LOC131768270: variants seen among roughly 807,000 people sequenced by gnomAD.
the LOC131768270 span, chr5:140,567,648 G>A: frequency 6.2e-7 from 1 of 1,614,080 alleles, no homozygotes; most frequent in East Asian, 2.2e-5. Flanking sequence ...GCAGCAGGGG[G>A]CCTTCAAGTT....
At chr5:140,567,234 T>C in the LOC131768270 span, 1 of 1,614,188 alleles carries the variant, frequency 6.2e-7, no homozygotes, top group South Asian at 1.1e-5. Flanking sequence ...TGGACCCTGA[T>C]GCTACTCCTA....
At chr5:140,566,024 C>A in the LOC131768270 span, 1 of 398,676 alleles carries the variant, frequency 2.5e-6, no homozygotes, top group South Asian at 1.3e-4. Context: ...CCAACATGCT[C>A]TTGAGAGTGT....
At chr5:140,567,010 A>G in the LOC131768270 span, 47 of 1,147,470 alleles carry the variant, frequency 4.1e-5, no homozygotes, top group Non-Finnish European at 5.9e-5. Flanking sequence ...CTTACTCTTC[A>G]AGCCCTGACT....
the LOC131768270 span, chr5:140,565,053 A>C: frequency 2.5e-6 from 1 of 397,562 alleles, no homozygotes; most frequent in Non-Finnish European, 4.4e-6. Flanking sequence ...GGAGCCGTGG[A>C]TCCCCCAGAT....
the LOC131768270 span, chr5:140,568,202 C>A: frequency 1.2e-6 from 2 of 1,611,962 alleles, no homozygotes; most frequent in Admixed American, 3.3e-5. Flanking sequence ...ACCACCAGAT[C>A]CCCCTCCCAG....
the LOC131768270 span, chr5:140,566,104 T>C: frequency 2.5e-6 from 1 of 395,940 alleles, no homozygotes; most frequent in African/African-American, 2.1e-5. Context: ...CTAAGGACAA[T>C]TTTTCTGAAT....
At chr5:140,567,179 G>A in the LOC131768270 span, 1 of 1,614,226 alleles carries the variant, frequency 6.2e-7, no homozygotes, top group African/African-American at 1.3e-5. Context: ...TATGAGTGTA[G>A]AGGATGGGGG....
the LOC131768270 span, chr5:140,567,337 G>T: frequency 1.2e-6 from 2 of 1,614,176 alleles, no homozygotes; most frequent in South Asian, 1.1e-5. Flanking sequence ...CCGTGCTGCT[G>T]ACTGAGCTGA....
the LOC131768270 span, chr5:140,564,870 TG>T: frequency 2.5e-6 from 1 of 403,140 alleles, no homozygotes; most frequent in Non-Finnish European, 4.4e-6. This position sits in a 1 kb window ranked among gnomAD's most constrained non-coding sequence, Gnocchi z 5.0. Flanking sequence ...TGAGTGGCCG[TG>T]GGGGTGATCT....
At chr5:140,565,841 G>T in the LOC131768270 span, 1 of 398,758 alleles carries the variant, frequency 2.5e-6, no homozygotes, top group South Asian at 1.3e-4. Flanking sequence ...GGCTTAGTCA[G>T]ACTGCTGGAG....
At chr5:140,564,944 G>A in the LOC131768270 span, 20 of 400,602 alleles carry the variant, frequency 5.0e-5, no homozygotes, top group African/African-American at 3.3e-4. This position sits in a 1 kb window ranked among gnomAD's most constrained non-coding sequence, Gnocchi z 5.0. Flanking sequence ...CGACTCTGGA[G>A]CGGCTCAGGA....
chr5:140,567,468 AC>A, the LOC131768270 span: 1 of 1,614,164 alleles, frequency 6.2e-7, no homozygotes, highest in Non-Finnish European at 8.5e-7. Flanking sequence ...GGCGCTAACA[AC>A]AACCTGGTGA....
the LOC131768270 span, chr5:140,566,991 C>T: frequency 4.2e-6 from 4 of 961,376 alleles, no homozygotes; most frequent in African/African-American, 4.9e-5. Flanking sequence ...CTTCAAGGAC[C>T]ACCAGCCCCT....
At chr5:140,568,195 A>C in the LOC131768270 span, 4 of 1,612,274 alleles carry the variant, frequency 2.5e-6, no homozygotes, top group Non-Finnish European at 3.4e-6. Context: ...GGGCGCCACC[A>C]CCAGATCCCC....
the LOC131768270 span, chr5:140,565,193 T>A: frequency 3.1e-6 from 1 of 322,348 alleles, no homozygotes; most frequent in Non-Finnish European, 5.6e-6. Flanking sequence ...ATGTTTCCAA[T>A]CACACGGACA....
At chr5:140,566,514 G>C in the LOC131768270 span, 1 of 411,274 alleles carries the variant, frequency 2.4e-6, no homozygotes, top group Non-Finnish European at 4.3e-6. Flanking sequence ...GTAGCCCCTG[G>C]ACAGTCAGGA....
the LOC131768270 span, chr5:140,565,289 T>A: frequency 3.3e-4 from 59 of 176,258 alleles, 1 homozygote; most frequent in African/African-American, 1.3e-3. Flanking sequence ...GTCCATTTAC[T>A]TACACACTTG....
the LOC131768270 span, chr5:140,568,189 G>A: frequency 2.5e-5 from 41 of 1,612,660 alleles, no homozygotes; most frequent in East Asian, 1.6e-4. Flanking sequence ...TAGATTGGGC[G>A]CCACCACCAG....
chr5:140,568,360 G>A, the LOC131768270 span: 2 of 703,640 alleles, frequency 2.8e-6, no homozygotes, highest in African/African-American at 3.6e-5. Context: ...TTAAGGAAAT[G>A]CTTACCATCC....
Sources: gnomAD v4.1 joint callset for allele counts on GRCh38, gnomAD v4.1.1 for gene constraint, Gnocchi (gnomAD v3.1) non-coding constraint, MANE v1.5 for transcripts.